Variants in TRPS1 observed in about 807,000 individuals in gnomAD.
The protein encoded by TRPS1 is zinc finger transcription factor Trps1.
In TRPS1, 6 loss-of-function variants were observed where a neutral mutation model predicts 101.2. The observed-to-expected ratio is 0.06, with a 90% CI of 0.03 to 0.12. The LOEUF is 0.12. Among genes scored for constraint, TRPS1 ranks in the 10% least tolerant of loss-of-function variants. The pLI is 1.00. For missense variants in TRPS1, 1,363 were observed against 1,567.0 expected, an observed-to-expected ratio of 0.87 and a Z score of 2.20; for synonymous variants, 578 against 589.8, an observed-to-expected ratio of 0.98 and a Z score of 0.29.
At chr8:115,526,274 C>G (rs1290333460) in intron 5 of TRPS1, among the ~76,000 whole-genome samples, 1 of 151,960 alleles carries the variant, frequency 6.6e-6, no homozygotes, top group East Asian at 1.9e-4. Flanking sequence ...ACGCCACTTA[C>G]ACTCCAGCGT....
intron 5 of TRPS1, among the ~76,000 whole-genome samples, chr8:115,498,407 CTCTCTCTCTATATATATATATATATA>C (rs1247755277): frequency 4.7e-5 from 4 of 85,094 alleles, no homozygotes; most frequent in African/African-American, 2.3e-4. Flanking sequence ...CTCTCTCTCT[CTCTCTCTCTATATATATATATATATA>C]TATATATATA....
chr8:115,653,491 A>T (rs1811609718), intron 1 of TRPS1, among the ~76,000 whole-genome samples: 1 of 152,162 alleles, frequency 6.6e-6, no homozygotes, highest in Non-Finnish European at 1.5e-5. Flanking sequence ...CCATCTTAAA[A>T]TTGCTTTTTA....
At chr8:115,499,747 T>TA (rs991376341) in intron 5 of TRPS1, among the ~76,000 whole-genome samples, 7 of 152,154 alleles carry the variant, frequency 4.6e-5, no homozygotes, top group African/African-American at 1.4e-4. Context: ...CTTGTAGGTT[T>TA]AAAAAATTAA....
chr8:115,570,994 C>T (rs1254245936), intron 5 of TRPS1, among the ~76,000 whole-genome samples: 4 of 152,168 alleles, frequency 2.6e-5, no homozygotes, highest in African/African-American at 7.2e-5. Flanking sequence ...CTGGATCAAT[C>T]GTCTGGACTG....
At chr8:115,638,480 T>C (rs1008539755) in intron 1 of TRPS1, among the ~76,000 whole-genome samples, 7 of 152,130 alleles carry the variant, frequency 4.6e-5, no homozygotes, top group South Asian at 2.1e-4. Flanking sequence ...AACACTGCCT[T>C]TAAGGCCCCA....
At chr8:115,533,599 T>C (rs1057356796) in intron 5 of TRPS1, among the ~76,000 whole-genome samples, 10 of 152,176 alleles carry the variant, frequency 6.6e-5, no homozygotes, top group African/African-American at 2.4e-4. Flanking sequence ...AAATATCAAA[T>C]GTAGTTACAT....
At position 115,418,315 on chromosome 8, in the gene TRPS1, G is replaced by T. The variant is rs201296334; in HGVS notation, c.2823+15C>A. 1.8e-3 allele frequency: 2,955 copies of T among 1,614,074 alleles called. 5 individuals carry two copies. Among genetic ancestry groups the T allele is most frequent in the Non-Finnish European group, 2.1e-3 (2,502 of 1,179,952 alleles). On this transcript the variant is annotated intron_variant, in intron 6 of 6. Transcript: ENST00000395715. The surrounding 1 kb of genome is among the most constrained non-coding windows in gnomAD (Gnocchi z 4.3). ...TTTATAAAGCTTTTCCTGAAAGAGT[G>T]GAACAAGTTCTTACCGAGTGAAGCT...
intron 5 of TRPS1, among the ~76,000 whole-genome samples, chr8:115,557,741 T>C (rs1396696061): frequency 6.6e-6 from 1 of 152,120 alleles, no homozygotes; most frequent in African/African-American, 2.4e-5. Context: ...CATTGCAAAG[T>C]GAGAATGAAC....
At chr8:115,470,319 G>C (rs1814434980) in intron 5 of TRPS1, among the ~76,000 whole-genome samples, 1 of 152,124 alleles carries the variant, frequency 6.6e-6, no homozygotes, top group Non-Finnish European at 1.5e-5. Flanking sequence ...AGATCTGATA[G>C]CTATCAGAAT....
intron 5 of TRPS1, among the ~76,000 whole-genome samples, chr8:115,535,390 T>C (rs553998886): frequency 6.7e-6 from 1 of 148,410 alleles, no homozygotes; most frequent in African/African-American, 2.5e-5. Context: ...ATAGCACATA[T>C]ATAGCGCATA....
intron 5 of TRPS1, among the ~76,000 whole-genome samples, chr8:115,558,264 G>T (rs1191525359): frequency 6.6e-6 from 1 of 152,096 alleles, no homozygotes; most frequent in Non-Finnish European, 1.5e-5. Flanking sequence ...AAAGATAGTT[G>T]TAATTTACTG....
At chr8:115,445,034 C>T (rs548676760) in intron 5 of TRPS1, among the ~76,000 whole-genome samples, 1 of 152,252 alleles carries the variant, frequency 6.6e-6, no homozygotes, top group South Asian at 2.1e-4. Context: ...TCCTTTGTGC[C>T]ACATTCATAA....
intron 5 of TRPS1, among the ~76,000 whole-genome samples, chr8:115,584,999 G>T (rs1014268626): frequency 5.9e-5 from 9 of 151,976 alleles, no homozygotes; most frequent in Admixed American, 2.6e-4. Context: ...TTTTATATAT[G>T]CATATGCATG....
chr8:115,667,352 C>T (rs1286278177), intron 1 of TRPS1, among the ~76,000 whole-genome samples: 1 of 152,218 alleles, frequency 6.6e-6, no homozygotes, highest in African/African-American at 2.4e-5. Context: ...CCGCCTCACC[C>T]TCAAATTATT....
At chr8:115,510,497 G>A (rs1330517896) in intron 5 of TRPS1, among the ~76,000 whole-genome samples, 1 of 151,846 alleles carries the variant, frequency 6.6e-6, no homozygotes, top group Non-Finnish European at 1.5e-5. Flanking sequence ...ATTAATAAAA[G>A]TCAGTTCTCT....
rs1586465414 is a variant in TRPS1, at chr8:115,620,165, T to G, written c.38-105A>C. On this transcript the variant is annotated intron_variant, in intron 2 of 6. Transcript: ENST00000395715. The stretch of plus-strand genomic sequence containing the variant: ...TATGTGAGTTTTTTAAGGTGCATAA[T>G]CAAATGCTTCCTCTAGGAAAAAAAA... 1.5e-5 allele frequency: 16 copies of G among 1,099,338 alleles called. No homozygotes were observed. The East Asian group carries it at 4.0e-4, about 28-fold the overall frequency. The allele number at this position is 1,099,338 out of a possible 1,614,324, so 68.1% of individuals were successfully genotyped here.
intron 5 of TRPS1, among the ~76,000 whole-genome samples, chr8:115,576,371 A>C (rs190625312): frequency 6.6e-6 from 1 of 152,190 alleles, no homozygotes; most frequent in African/African-American, 2.4e-5. Flanking sequence ...ATTTTGTCTT[A>C]AAGTTGCCTC....
intron 5 of TRPS1, among the ~76,000 whole-genome samples, chr8:115,508,435 G>A (rs973633096): frequency 6.6e-6 from 1 of 152,024 alleles, no homozygotes; most frequent in African/African-American, 2.4e-5. Flanking sequence ...GTCCTCAGCC[G>A]AGGAAACGAA....
intron 5 of TRPS1, among the ~76,000 whole-genome samples, chr8:115,447,230 C>T (rs1447191441): frequency 2.0e-5 from 3 of 152,124 alleles, no homozygotes; most frequent in East Asian, 3.9e-4. Context: ...TACCTTTGCC[C>T]TATCCTTGCT....
Sources: allele counts gnomAD v4.1 joint callset (sites outside exome capture counted in the v4.1 genomes callset), GRCh38; gene constraint gnomAD v4.1.1; non-coding constraint Gnocchi (gnomAD v3.1); transcripts MANE v1.5; gene names NCBI Gene and HGNC (gene_info 2026-07-23, HGNC 2026-07-21).